DST: variants seen among roughly 807,000 people sequenced by gnomAD.
DST encodes dystonin.
DST carries 253 observed loss-of-function variants against 875.2 expected under a neutral mutation model. The observed-to-expected ratio is 0.29, with a 90% CI of 0.26 to 0.32. The LOEUF (loss-of-function observed/expected upper bound fraction) is 0.32, where lower values mean the gene tolerates loss of function less well. DST is among the 10% of genes least tolerant of loss of function. The pLI, the probability that DST is intolerant of heterozygous loss-of-function variation, is 1.00. For missense variants in DST, 8,287 were observed against 9,111.6 expected, an observed-to-expected ratio of 0.91 and a Z score of 3.68; for synonymous variants, 3,124 against 3,197.1, an observed-to-expected ratio of 0.98 and a Z score of 0.77.
At chr6:56,547,632 A>G (rs2097252863) in intron 61 of DST, among the ~76,000 whole-genome samples, 1 of 152,210 alleles carries the variant, frequency 6.6e-6, no homozygotes, top group South Asian at 2.1e-4. Context: ...ACACTTTAAA[A>G]GTACTATTAA....
intron 2 of DST, among the ~76,000 whole-genome samples, chr6:56,928,575 T>C (rs1808435996): frequency 6.6e-6 from 1 of 152,154 alleles, no homozygotes; most frequent in Non-Finnish European, 1.5e-5. Context: ...TTGCTGGATG[T>C]CCTAGCCGAT....
At chr6:56,486,463 T>A (rs1431493945) in intron 87 of DST, among the ~76,000 whole-genome samples, 1 of 144,438 alleles carries the variant, frequency 6.9e-6, no homozygotes, top group Non-Finnish European at 1.6e-5. Flanking sequence ...TTAATCTTGA[T>A]ACTGACAAAA....
chr6:56,755,100 G>A (rs548430451), intron 4 of DST, among the ~76,000 whole-genome samples: 1 of 150,910 alleles, frequency 6.6e-6, no homozygotes, highest in East Asian at 1.9e-4. Flanking sequence ...TATATTCCTT[G>A]CCATCAAGTC....
Position 56,632,860 on chromosome 6 carries a change from C to T in DST, c.3799G>A (p.Glu1267Lys). The T allele has an allele frequency of 1.9e-6, 3 of 1,613,546 alleles. No individual in the cohort carries two copies. The highest frequency in any genetic ancestry group is 2.5e-6 in the Non-Finnish European group (3 of 1,179,734). ...QYYQELLKSA[E>K]REEQEESVYN... Reference sequence around the variant, plus strand: ...AGGGATCCCCATGCTTTACCTCTTTCTGCAGATTTAAGAAGTTCTTGATAA... The same window carrying T: ...AGGGATCCCCATGCTTTACCTCTTTTTGCAGATTTAAGAAGTTCTTGATAA... The change falls in exon 28 of 104, where the codon GAA (glutamate) becomes AAA (lysine). Residue 1267 changes from glutamate (E) to lysine (K), a missense_variant. By Grantham distance (56) the Glu-to-Lys change is moderately conservative. Transcript: ENST00000680361.
chr6:56,816,592 A>G (rs2099766784), intron 4 of DST, among the ~76,000 whole-genome samples: 1 of 152,184 alleles, frequency 6.6e-6, no homozygotes. Context: ...CTCGTTGCTC[A>G]TTATAAGCAT....
At chr6:56,891,690 C>T (rs1484421046) in intron 3 of DST, among the ~76,000 whole-genome samples, 6 of 151,030 alleles carry the variant, frequency 4.0e-5, no homozygotes, top group South Asian at 2.1e-4. Flanking sequence ...GCCGTGATTG[C>T]GCGACTGCAC....
chr6:56,919,721 C>A (rs917407266), intron 2 of DST, among the ~76,000 whole-genome samples: 3 of 152,100 alleles, frequency 2.0e-5, no homozygotes, highest in Non-Finnish European at 2.9e-5. Context: ...CCAAGGCAGG[C>A]ATATCACTTG....
At chr6:56,825,591 C>T (rs959298324) in intron 4 of DST, among the ~76,000 whole-genome samples, 8 of 147,962 alleles carry the variant, frequency 5.4e-5, no homozygotes, top group Non-Finnish European at 8.9e-5. Context: ...TTTTTATAAA[C>T]AAATATGCAA....
chr6:56,670,133 C>CATGTGT (rs1554600648), intron 10 of DST, among the ~76,000 whole-genome samples: 26 of 146,296 alleles, frequency 1.8e-4, no homozygotes, highest in African/African-American at 6.5e-4. Context: ...AGCGCCCGTG[C>CATGTGT]GTGTGTGTGT....
In DST at chr6:56,735,288, A is replaced by G; in HGVS notation, c.627T>C (p.Asp209=). Residue 209 remains aspartate (D), a splice_region_variant and synonymous_variant, in exon 5 of 104, where the codon GAT becomes GAC. Coordinates refer to ENST00000680361, the MANE Select transcript of DST (RefSeq NM_001374736.1). ...TTTTCTTCTGAACTTTGTCCCGTTC[A>G]TCTGGAAGGAAAAAATATATATAAA... is the stretch of plus-strand genomic sequence containing the variant. The part of the protein sequence containing the change: ...PAERAVLRIA[D]ERDKVQKKTF... The G allele has an allele frequency of 6.5e-7, 1 of 1,530,982 alleles. No homozygotes were observed. The highest frequency in any genetic ancestry group is 1.2e-5 in the South Asian group (1 of 83,258). The allele number at this position is 1,530,982 out of a possible 1,614,324, so 94.8% of individuals were successfully genotyped here. A position where few individuals can be genotyped will look rare whatever the true frequency, so the allele number is the denominator to read the frequency against.
Position 56,616,199 on chromosome 6 carries a change from C to A in DST, c.4930-1715G>T, listed in dbSNP as rs1166275147. 3 of 1,614,038 alleles carry A rather than the reference C, an allele frequency of 1.9e-6. No homozygotes were observed. The highest frequency in any genetic ancestry group is 2.5e-6 in the Non-Finnish European group (3 of 1,180,030). The stretch of plus-strand genomic sequence containing the variant: ...AGCAAGTTCTGTAAGTGTGATGAGG[C>A]CTTCCTGATACTTTTTGACCAAGGC... On this transcript the variant is annotated intron_variant, in intron 36 of 103. Coordinates refer to ENST00000680361, the MANE Select transcript of DST (RefSeq NM_001374736.1).
intron 10 of DST, among the ~76,000 whole-genome samples, chr6:56,657,064 G>A (rs570477853): frequency 1.3e-5 from 2 of 151,950 alleles, no homozygotes; most frequent in African/African-American, 2.4e-5. Flanking sequence ...CAGGTGATTC[G>A]TATCAGGCAA....
intron 55 of DST, among the ~76,000 whole-genome samples, chr6:56,562,691 G>A (rs982090467): frequency 2.0e-5 from 3 of 151,684 alleles, no homozygotes; most frequent in Admixed American, 6.6e-5. Flanking sequence ...TGCTGCACCC[G>A]TCAACCCATT....
intron 2 of DST, among the ~76,000 whole-genome samples, chr6:56,945,310 T>C (rs1373216434): frequency 6.6e-6 from 1 of 152,030 alleles, no homozygotes; most frequent in Non-Finnish European, 1.5e-5. Context: ...GAAACAGCAA[T>C]GGGAATACAA....
intron 2 of DST, among the ~76,000 whole-genome samples, chr6:56,947,871 C>A (rs1297626276): frequency 6.6e-6 from 1 of 151,348 alleles, no homozygotes; most frequent in Non-Finnish European, 1.5e-5. Flanking sequence ...TTATCCACCA[C>A]AGATCCATTC....
chr6:56,616,707 C>T (rs1444317971), intron 36 of DST: 2 of 1,614,090 alleles, frequency 1.2e-6, no homozygotes, highest in African/African-American at 1.3e-5. Context: ...GGGTCAATGA[C>T]ACCCCCACTG....
intron 4 of DST, among the ~76,000 whole-genome samples, chr6:56,834,000 G>A (rs1381788954): frequency 1.3e-5 from 2 of 152,078 alleles, no homozygotes; most frequent in Non-Finnish European, 2.9e-5. Context: ...AGCCAAGGCA[G>A]GAGGATCACT....
At chr6:56,690,401 G>A (rs2152857413) in intron 9 of DST, among the ~76,000 whole-genome samples, 1 of 152,236 alleles carries the variant, frequency 6.6e-6, no homozygotes, top group East Asian at 1.9e-4. Context: ...ATATGCAGCA[G>A]GAAGGGCTGG....
chr6:56,474,802 A>G (rs2095084903), intron 92 of DST, among the ~76,000 whole-genome samples: 2 of 151,836 alleles, frequency 1.3e-5, no homozygotes, highest in Admixed American at 6.6e-5. Context: ...GTCTCTACAA[A>G]AAATTCAAAA....
Sources: gnomAD v4.1 joint callset for allele counts (sites outside exome capture counted in the v4.1 genomes callset) on GRCh38, gnomAD v4.1.1 for gene constraint, MANE v1.5 for transcripts, NCBI Gene and HGNC (gene_info 2026-07-23, HGNC 2026-07-21) for gene names.